The following GPRIN3 variants were observed in gnomAD, a reference collection of about 807,000 sequenced individuals.
GPRIN3 encodes the protein GPRIN family member 3.
GPRIN3 carries 12 observed loss-of-function variants against 13.7 expected under a neutral mutation model. The observed-to-expected ratio is 0.87, with a 90% confidence interval of 0.56 to 1.42. The LOEUF is 1.42. GPRIN3 is among the 40% of genes most tolerant of loss of function. The probability of loss-of-function intolerance (pLI) is 0.00; values close to 1 mark genes in which losing one functional copy is unlikely to be tolerated. For missense variants in GPRIN3, 1,009 were observed against 958.7 expected, an observed-to-expected ratio of 1.05 and a Z score of -0.69; for synonymous variants, 377 against 372.7, an observed-to-expected ratio of 1.01 and a Z score of -0.13.
Position 89,242,218 on chromosome 4 carries a change from C to T in GPRIN3, c.*5562G>A, listed in dbSNP as rs1722963158. Reference sequence around the variant, plus strand: ...AGAAAGATACTTGATGAAGAGTTAGCATTTAGAAGTGCCCATCTGGAGCAT... The same window carrying T: ...AGAAAGATACTTGATGAAGAGTTAGTATTTAGAAGTGCCCATCTGGAGCAT... On this transcript the variant is annotated 3_prime_UTR_variant, in exon 2 of 2. Transcript: ENST00000609438. 1 of 152,244 alleles carries T rather than the reference C, an allele frequency of 6.6e-6. No individual in the cohort carries two copies. The highest frequency in any genetic ancestry group is 2.1e-4 in the South Asian group (1 of 4,824). The allele number at this position is 152,244 out of a possible 1,614,324, so 9.4% of individuals were successfully genotyped here.
chr4:89,302,672 A>G (rs1049314401), intron 1 of GPRIN3, among the ~76,000 whole-genome samples: 3 of 152,152 alleles, frequency 2.0e-5, no homozygotes, highest in Non-Finnish European at 4.4e-5. Context: ...GGCATTCAAG[A>G]GAGTACGTAA....
chr4:89,269,262 T>C (rs1380740703), intron 1 of GPRIN3, among the ~76,000 whole-genome samples: 1 of 152,192 alleles, frequency 6.6e-6, no homozygotes, highest in South Asian at 2.1e-4. Flanking sequence ...CTTTACAAAT[T>C]AGATGAATAC....
chr4:89,278,722 G>C (rs572385918), intron 1 of GPRIN3, among the ~76,000 whole-genome samples: 6 of 152,300 alleles, frequency 3.9e-5, no homozygotes, highest in African/African-American at 1.4e-4. Context: ...TTACAGATGA[G>C]GAAGCCAAGG....
At chr4:89,292,769 A>C (rs935832779) in intron 1 of GPRIN3, among the ~76,000 whole-genome samples, 1 of 152,222 alleles carries the variant, frequency 6.6e-6, no homozygotes, top group African/African-American at 2.4e-5. Context: ...AAAACAATAA[A>C]TAAAAGAAAC....
chr4:89,288,716 T>C (rs989330534), intron 1 of GPRIN3, among the ~76,000 whole-genome samples: 2 of 152,212 alleles, frequency 1.3e-5, no homozygotes, highest in African/African-American at 4.8e-5. Context: ...GATATTATTA[T>C]GCAGCAAATT....
rs1723068189 is a variant in GPRIN3 at position 89,245,459 on chromosome 4, T to A, written c.*2321A>T. 6.6e-6 allele frequency: 1 copy of A among 152,262 alleles called. No individual in the cohort carries two copies. Among genetic ancestry groups the A allele is most frequent in the Non-Finnish European group, 1.5e-5 (1 of 68,046 alleles). The allele number at this position is 152,262 out of a possible 1,614,324, so 9.4% of individuals were successfully genotyped here. On this transcript the variant is annotated 3_prime_UTR_variant, in exon 2 of 2. Coordinates refer to ENST00000609438, the MANE Select transcript of GPRIN3 (RefSeq NM_198281.3). Reference sequence around the variant, plus strand: ...CAAATGCCAACAACTCTCTCAGGCCTCTGCTTCATTTAACTGTTTACAAAT... The same window carrying A: ...CAAATGCCAACAACTCTCTCAGGCCACTGCTTCATTTAACTGTTTACAAAT...
rs202009804 is a variant in GPRIN3, at chr4:89,248,095, C to T, written c.2016G>A (p.Lys672=). The T allele has an allele frequency of 1.2e-5, 19 of 1,614,174 alleles. No individual in the cohort carries two copies. The Admixed American group carries it at 3.0e-4, about 25-fold the overall frequency. The change falls in exon 2 of 2, where the codon AAG becomes AAA. Residue 672 remains lysine, a synonymous_variant. Coordinates refer to ENST00000609438, the MANE Select transcript of GPRIN3 (RefSeq NM_198281.3). ...CACGCTTGGACTGTTTCAGCTGGAG[C>T]TTGGAGTCTGCGCCAAGCTGCTTTT... ...DKKKQLGADS[K]LQLKQSKRVR... is the part of the protein sequence containing the mutation.
intron 1 of GPRIN3, among the ~76,000 whole-genome samples, chr4:89,296,154 A>G (rs1022097213): frequency 2.0e-5 from 3 of 152,204 alleles, no homozygotes; most frequent in Admixed American, 6.5e-5. Flanking sequence ...GGGAACAAAG[A>G]GTTTGAATTC....
intron 1 of GPRIN3, among the ~76,000 whole-genome samples, chr4:89,251,845 G>A (rs1191848884): frequency 6.6e-6 from 1 of 152,152 alleles, no homozygotes. Context: ...GTTAAATAGA[G>A]GGAGAGTGAT....
chr4:89,243,090 G>A lies in GPRIN3; in HGVS notation c.*4690C>T, dbSNP rs1399785745. 1 of 152,108 alleles carries A rather than the reference G, an allele frequency of 6.6e-6. No individual in the cohort carries two copies. The highest frequency in any genetic ancestry group is 1.5e-5 in the Non-Finnish European group (1 of 68,024). The allele number at this position is 152,108 out of a possible 1,614,324, so 9.4% of individuals were successfully genotyped here. A position where few individuals can be genotyped will look rare whatever the true frequency, so the allele number is the denominator to read the frequency against. Reference sequence around the variant, plus strand: ...TCTGGCAGATGTCACTGATCACTTGGGAGACAGAATTTTTCCACTTCAATC... The same window carrying A: ...TCTGGCAGATGTCACTGATCACTTGAGAGACAGAATTTTTCCACTTCAATC... On this transcript the variant is annotated 3_prime_UTR_variant, in exon 2 of 2. Transcript: ENST00000609438.
intron 1 of GPRIN3, among the ~76,000 whole-genome samples, chr4:89,282,332 CT>C (rs1322340098): frequency 6.6e-6 from 1 of 152,148 alleles, no homozygotes; most frequent in African/African-American, 2.4e-5. Flanking sequence ...TAGAAATATC[CT>C]TTGTAAACAA....
chr4:89,284,591 C>G (rs1156589236), intron 1 of GPRIN3, among the ~76,000 whole-genome samples: 1 of 152,190 alleles, frequency 6.6e-6, no homozygotes, highest in Non-Finnish European at 1.5e-5. Context: ...AGTAGAATTA[C>G]TTGGGCTTTC....
At chr4:89,285,815 G>A (rs925713409) in intron 1 of GPRIN3, among the ~76,000 whole-genome samples, 4 of 152,100 alleles carry the variant, frequency 2.6e-5, no homozygotes, top group Non-Finnish European at 5.9e-5. Context: ...TGTTTGGGAG[G>A]GAATTACTAT....
At chr4:89,270,933 A>T (rs1723933587) in intron 1 of GPRIN3, among the ~76,000 whole-genome samples, 1 of 152,158 alleles carries the variant, frequency 6.6e-6, no homozygotes, top group African/African-American at 2.4e-5. Flanking sequence ...GAAGACAAAC[A>T]TTTCATAGGC....
intron 1 of GPRIN3, chr4:89,251,280 G>A (rs1048570769): frequency 1.3e-5 from 2 of 152,146 alleles, no homozygotes; most frequent in African/African-American, 4.8e-5. Flanking sequence ...CACACCAGTT[G>A]CATCTGCAAA....
chr4:89,239,153 TA>T lies in GPRIN3; in HGVS notation c.*8626del, dbSNP rs1289514503. The T allele has an allele frequency of 2.1e-4, 32 of 152,230 alleles. No homozygotes were observed. Among genetic ancestry groups the T allele is most frequent in the Non-Finnish European group, 3.8e-4 (26 of 67,972 alleles). 9.4% of individuals were successfully genotyped at this position (152,230 alleles called of 1,614,324 possible). ...TGTAAACATTATAATGTAGACATTA[TA>T]AAAAAACATAACTTTGGATTTTAAT... is the stretch of plus-strand genomic sequence containing the variant. On this transcript the variant is annotated 3_prime_UTR_variant, in exon 2 of 2. Transcript: ENST00000609438.
rs1444847299 is a variant in GPRIN3 at position 89,248,502 on chromosome 4, C to T, written c.1609G>A (p.Glu537Lys). 14 of 1,612,976 alleles carry T rather than the reference C, an allele frequency of 8.7e-6. No homozygotes were observed. The highest frequency in any genetic ancestry group is 1.2e-5 in the Non-Finnish European group (14 of 1,179,460). The change falls in exon 2 of 2, where the codon GAA (glutamate) becomes AAA (lysine). Residue 537 changes from glutamate to lysine, a missense_variant. Coordinates refer to ENST00000609438, the MANE Select transcript of GPRIN3 (RefSeq NM_198281.3). Reference sequence around the variant, plus strand: ...ACCTGAGGAGATGCAGGCTTCTTTTCCCTTGCATCTCCTTTATTAGTGGGA... The same window carrying T: ...ACCTGAGGAGATGCAGGCTTCTTTTTCCTTGCATCTCCTTTATTAGTGGGA... ...LDPTNKGDAR[E>K]KKPASPQVVK...
intron 1 of GPRIN3, among the ~76,000 whole-genome samples, chr4:89,266,374 T>C (rs1723779564): frequency 6.6e-6 from 1 of 152,172 alleles, no homozygotes; most frequent in Non-Finnish European, 1.5e-5. Context: ...CCAGTACCTG[T>C]CACTGATATT....
At chr4:89,264,187 G>T (rs1170909880) in intron 1 of GPRIN3, among the ~76,000 whole-genome samples, 2 of 152,260 alleles carry the variant, frequency 1.3e-5, no homozygotes, top group African/African-American at 4.8e-5. Context: ...TGGATTCCTT[G>T]TGAATAATGT....
Sources: gnomAD v4.1 joint callset for allele counts (sites outside exome capture counted in the v4.1 genomes callset) on GRCh38, gnomAD v4.1.1 for gene constraint, MANE v1.5 for transcripts, NCBI Gene and HGNC (gene_info 2026-07-23, HGNC 2026-07-21) for gene names.